ZFPM2: variants seen among roughly 807,000 people sequenced by gnomAD.
ZFPM2 encodes zinc finger protein, FOG family member 2.
ZFPM2 carries 20 observed loss-of-function variants against 98.6 expected under a neutral mutation model. That is an observed-to-expected ratio of 0.20 (90% CI 0.14 to 0.29). The LOEUF (loss-of-function observed/expected upper bound fraction) is 0.29. Ranked by LOEUF, ZFPM2 falls within the 10% of genes least tolerant of loss-of-function variation. The pLI, the probability that ZFPM2 is intolerant of heterozygous loss-of-function variation, is 1.00. For synonymous variants in ZFPM2, 518 were observed against 502.7 expected, an observed-to-expected ratio of 1.03 and a Z score of -0.41; for missense variants, 1,310 against 1,388.6, an observed-to-expected ratio of 0.94 and a Z score of 0.90.
intron 5 of ZFPM2, among the ~76,000 whole-genome samples, chr8:105,683,902 A>G (rs1432077381): frequency 3.9e-5 from 6 of 152,114 alleles, no homozygotes; most frequent in South Asian, 2.1e-4. Flanking sequence ...TGTATCCCCA[A>G]TATTTAGTGT....
intron 4 of ZFPM2, among the ~76,000 whole-genome samples, chr8:105,604,757 C>A (rs1168949939): frequency 6.6e-6 from 1 of 152,050 alleles, no homozygotes; most frequent in Non-Finnish European, 1.5e-5. Flanking sequence ...ACAGAGCATT[C>A]TCTGGACGAA....
intron 5 of ZFPM2, among the ~76,000 whole-genome samples, chr8:105,672,619 T>C (rs1817616972): frequency 6.6e-6 from 1 of 152,188 alleles, no homozygotes; most frequent in Non-Finnish European, 1.5e-5. Context: ...ATCATCTTTC[T>C]CATGACTTTA....
At chr8:105,568,158 A>T (rs1586468361) in intron 4 of ZFPM2, among the ~76,000 whole-genome samples, 1 of 151,904 alleles carries the variant, frequency 6.6e-6, no homozygotes, top group East Asian at 1.9e-4. Context: ...ACATTTAAAT[A>T]AAAAAATCTC....
At chr8:105,592,640 A>T (rs1238727581) in intron 4 of ZFPM2, among the ~76,000 whole-genome samples, 2 of 152,082 alleles carry the variant, frequency 1.3e-5, no homozygotes, top group Admixed American at 1.3e-4. Context: ...ATATGCAGAT[A>T]TTGATGGAAT....
At chr8:105,419,411 T>A in intron 2 of ZFPM2, 109 bp downstream of exon 2, 1 of 1,309,108 alleles carries the variant, frequency 7.6e-7, no homozygotes, top group Non-Finnish European at 1.0e-6. Context: ...TTCAGCCGTC[T>A]GAAAATAAGT....
intron 1 of ZFPM2, among the ~76,000 whole-genome samples, chr8:105,355,717 T>C (rs192007380): frequency 6.6e-6 from 1 of 152,326 alleles, no homozygotes. Flanking sequence ...GCCATTTATA[T>C]TTGTATATGT....
intron 2 of ZFPM2, among the ~76,000 whole-genome samples, chr8:105,437,153 A>G (rs1184021480): frequency 6.6e-6 from 1 of 152,130 alleles, no homozygotes; most frequent in Non-Finnish European, 1.5e-5. Context: ...TATATTGCAT[A>G]CCCCTTACCT....
chr8:105,688,271 G>T (rs978710867), intron 5 of ZFPM2, among the ~76,000 whole-genome samples: 3 of 152,012 alleles, frequency 2.0e-5, no homozygotes, highest in African/African-American at 7.2e-5. Flanking sequence ...GGGATCAAAG[G>T]ATTTTACTAA....
intron 3 of ZFPM2, among the ~76,000 whole-genome samples, chr8:105,549,948 T>TATA (rs61178115): frequency 0.68 from 102,669 of 151,468 alleles, 36,341 homozygotes; most frequent in African/African-American, 0.91. Context: ...TAATGCATAA[T>TATA]ATGTCATTTA....
chr8:105,595,141 A>G (rs1815941930), intron 4 of ZFPM2, among the ~76,000 whole-genome samples: 1 of 152,156 alleles, frequency 6.6e-6, no homozygotes, highest in Non-Finnish European at 1.5e-5. Context: ...GTCTAATAGT[A>G]GAAACCATTG....
At position 105,468,611 on chromosome 8, in the gene ZFPM2, G is replaced by A. The variant is rs574156853; in HGVS notation, c.301+24230G>A. On this transcript the variant is annotated intron_variant, in intron 3 of 7. Coordinates refer to ENST00000407775, the MANE Select transcript of ZFPM2 (RefSeq NM_012082.4). The stretch of plus-strand genomic sequence containing the variant: ...TGACCTCTGTGTGATCTGGCTTATC[G>A]TTGCTTTACTGTGAGATGGGGAGTA... Among the ~76,000 whole-genome samples the A allele has an allele frequency of 7.2e-5, 11 of 152,150 alleles. No individual in the cohort carries two copies. In the South Asian group the frequency reaches 2.1e-3, roughly 29 times the overall value.
At chr8:105,583,615 A>C (rs1815649322) in intron 4 of ZFPM2, among the ~76,000 whole-genome samples, 1 of 152,182 alleles carries the variant, frequency 6.6e-6, no homozygotes, top group Non-Finnish European at 1.5e-5. Context: ...GAATCCAAAA[A>C]GCTTTTTTTC....
chr8:105,719,352 TACAC>T lies in ZFPM2; in HGVS notation c.533-69356_533-69353del, dbSNP rs540694397. Among the ~76,000 whole-genome samples the T allele has an allele frequency of 2.4e-3, 365 of 151,668 alleles. 4 individuals are homozygous for T. The highest frequency in any genetic ancestry group is 7.9e-3 in the African/African-American group (328 of 41,462). Reference sequence around the variant, plus strand: ...AGTGATACAAAAAGTACACACGCAATACACACACACACATACAACCACATACAAC... The same window carrying T: ...AGTGATACAAAAAGTACACACGCAATACACACACATACAACCACATACAAC... On this transcript the variant is annotated intron_variant, in intron 5 of 7. Coordinates refer to ENST00000407775, the MANE Select transcript of ZFPM2 (RefSeq NM_012082.4).
At chr8:105,631,484 C>G (rs1483321509) in intron 4 of ZFPM2, among the ~76,000 whole-genome samples, 1 of 152,102 alleles carries the variant, frequency 6.6e-6, no homozygotes, top group Non-Finnish European at 1.5e-5. Flanking sequence ...TCAGCCTTTG[C>G]CCACACTGTT....
At chr8:105,338,802 T>C (rs146578235) in intron 1 of ZFPM2, among the ~76,000 whole-genome samples, 1 of 152,020 alleles carries the variant, frequency 6.6e-6, no homozygotes, top group East Asian at 1.9e-4. Context: ...GTAAGGCATA[T>C]TGAATATACT....
chr8:105,489,853 T>C (rs115244795), intron 3 of ZFPM2, among the ~76,000 whole-genome samples: 2,906 of 152,234 alleles, frequency 0.019, 92 homozygotes, highest in African/African-American at 0.066. Flanking sequence ...TACACTTATA[T>C]TTTCAAAACA....
intron 1 of ZFPM2, among the ~76,000 whole-genome samples, chr8:105,366,042 CT>C (rs1810498340): frequency 6.6e-6 from 1 of 152,130 alleles, no homozygotes; most frequent in Admixed American, 6.5e-5. Context: ...AAATAATTCA[CT>C]GCTGATGGAT....
chr8:105,735,480 G>T (rs1812045493), intron 5 of ZFPM2, among the ~76,000 whole-genome samples: 1 of 151,754 alleles, frequency 6.6e-6, no homozygotes. Flanking sequence ...AATAGCTACT[G>T]CTTCCCCAAC....
intron 3 of ZFPM2, among the ~76,000 whole-genome samples, chr8:105,467,019 C>T (rs1490893228): frequency 6.6e-6 from 1 of 151,978 alleles, no homozygotes; most frequent in Non-Finnish European, 1.5e-5. Flanking sequence ...TGATGCCTAC[C>T]TCCTGTATCT....
Sources: allele counts gnomAD v4.1 joint callset (sites outside exome capture counted in the v4.1 genomes callset), GRCh38; gene constraint gnomAD v4.1.1; transcripts MANE v1.5; gene names NCBI Gene and HGNC (gene_info 2026-07-23, HGNC 2026-07-21).